Variants in TAFA2 observed in about 807,000 individuals in gnomAD.
TAFA2 encodes TAFA chemokine like family member 2.
In TAFA2, 7 loss-of-function variants were observed where a neutral mutation model predicts 18.8. The observed-to-expected ratio is 0.37, with a 90% CI of 0.21 to 0.70. TAFA2 has a LOEUF of 0.70. Ranked by LOEUF, TAFA2 falls within the 30% of genes least tolerant of loss-of-function variation. TAFA2 has a pLI of 0.53. For synonymous variants in TAFA2, 60 were observed against 54.2 expected, an observed-to-expected ratio of 1.11 and a Z score of -0.47; for missense variants, 122 against 158.1, an observed-to-expected ratio of 0.77 and a Z score of 1.23.
At chr12:61,781,819 C>A (rs959785916) in intron 2 of TAFA2, among the ~76,000 whole-genome samples, 2 of 151,496 alleles carry the variant, frequency 1.3e-5, no homozygotes, top group African/African-American at 2.4e-5. Context: ...AATAACTAAG[C>A]CAAAATAACA....
intron 1 of TAFA2, among the ~76,000 whole-genome samples, chr12:62,244,991 T>C (rs1166270490): frequency 6.6e-6 from 1 of 152,152 alleles, no homozygotes; most frequent in Non-Finnish European, 1.5e-5. Flanking sequence ...TTTAATGATA[T>C]CTTACATTGT....
At chr12:61,881,822 TG>T (rs1324561517) in intron 1 of TAFA2, among the ~76,000 whole-genome samples, 1 of 151,984 alleles carries the variant, frequency 6.6e-6, no homozygotes, top group Non-Finnish European at 1.5e-5. Context: ...AAATACAGCC[TG>T]GGGGCCACCA....
intron 1 of TAFA2, among the ~76,000 whole-genome samples, chr12:62,250,623 G>C (rs879921456): frequency 6.6e-6 from 1 of 152,012 alleles, no homozygotes; most frequent in African/African-American, 2.4e-5. Flanking sequence ...AATATTGCCT[G>C]TTTATTTTTT....
intron 1 of TAFA2, among the ~76,000 whole-genome samples, chr12:62,229,847 T>TTTGTTGTTGTTG (rs372113384): frequency 3.3e-5 from 5 of 151,598 alleles, no homozygotes; most frequent in South Asian, 4.2e-4. Context: ...GTCCTGGATT[T>TTTGTTGTTGTTG]TTGTTGTTGT....
intron 1 of TAFA2, among the ~76,000 whole-genome samples, chr12:62,242,870 G>A (rs958941724): frequency 6.6e-6 from 1 of 152,146 alleles, no homozygotes. Context: ...ACATACCCTT[G>A]TAAACATAAT....
rs532352250 is a variant in TAFA2, at chr12:61,865,826, C to T, written c.106+1494G>A. 1.6e-4 allele frequency among the ~76,000 whole-genome samples: 25 copies of T among 152,272 alleles called. No individual in the cohort carries two copies. The South Asian group carries it at 2.5e-3, about 15-fold the overall frequency. On this transcript the variant is annotated intron_variant, in intron 2 of 4. Coordinates refer to ENST00000416284, the MANE Select transcript of TAFA2 (RefSeq NM_178539.5). ...TGAAGCCCACAATTTCTATGATCCCCCACTCCTCCAATTCTTCTTTCATAA... is the reference window on the plus strand; with the variant it reads ...TGAAGCCCACAATTTCTATGATCCCTCACTCCTCCAATTCTTCTTTCATAA...
rs149683487 is a variant in TAFA2 at position 62,130,619 on chromosome 12, C to T, written c.-2+60640G>A. On this transcript the variant is annotated intron_variant, in intron 1 of 4. Transcript: ENST00000416284. ...CGTTTCACTGGACATTTCCTGAGTACCTACTATGTGGCAGGCACTGTGCTA... is the reference window on the plus strand; with the variant it reads ...CGTTTCACTGGACATTTCCTGAGTATCTACTATGTGGCAGGCACTGTGCTA... Among the ~76,000 whole-genome samples the T allele has an allele frequency of 7.9e-5, 12 of 152,000 alleles. No individual in the cohort carries two copies. The East Asian group carries it at 2.3e-3, about 29-fold the overall frequency.
intron 1 of TAFA2, among the ~76,000 whole-genome samples, chr12:61,925,375 T>C (rs1462273302): frequency 6.6e-6 from 1 of 152,170 alleles, no homozygotes; most frequent in Non-Finnish European, 1.5e-5. Context: ...ATGGAAATCA[T>C]AACAAACAGT....
rs146438499 is a variant in TAFA2 at position 62,091,855 on chromosome 12, T to G, written c.-2+99404A>C. On this transcript the variant is annotated intron_variant, in intron 1 of 4. Transcript: ENST00000416284. The stretch of plus-strand genomic sequence containing the variant: ...GAAACACTTTTTGAAGATTTGCTAT[T>G]AAGTGTTTTTAATAAGCTTCCAAAG... Among the ~76,000 whole-genome samples the G allele has an allele frequency of 7.4e-4, 113 of 152,116 alleles. 1 individual carries two copies. The highest frequency in any genetic ancestry group is 4.8e-3 in the Admixed American group (73 of 15,242).
At chr12:61,856,625 T>C (rs577143753) in intron 2 of TAFA2, among the ~76,000 whole-genome samples, 3 of 152,108 alleles carry the variant, frequency 2.0e-5, no homozygotes, top group African/African-American at 4.8e-5. Context: ...ATTCTATGAA[T>C]CTAGTCTAGA....
intron 1 of TAFA2, among the ~76,000 whole-genome samples, chr12:62,104,530 C>T (rs1396220834): frequency 2.0e-5 from 3 of 152,118 alleles, no homozygotes; most frequent in Admixed American, 2.0e-4. Context: ...AGAAAGAAAA[C>T]ATTTTTACCA....
In TAFA2 at chr12:61,729,389, C is replaced by T. The variant is rs1223492553; in HGVS notation, c.385-18972G>A. ...CTTAGGTTTGGTCGTTTAACATAAT[C>T]TCAAACTTCTTGGAGGCTCTATTAA... On this transcript the variant is annotated intron_variant, in intron 4 of 4. Coordinates refer to ENST00000416284, the MANE Select transcript of TAFA2 (RefSeq NM_178539.5). 2.0e-5 allele frequency among the ~76,000 whole-genome samples: 3 copies of T among 151,762 alleles called. No homozygotes were observed. The East Asian group carries it at 5.8e-4, about 29-fold the overall frequency.
intron 1 of TAFA2, among the ~76,000 whole-genome samples, chr12:62,172,647 A>G (rs1435184323): frequency 6.6e-6 from 1 of 152,206 alleles, no homozygotes; most frequent in African/African-American, 2.4e-5. Context: ...AAGTTATTTC[A>G]AGGTAGGGGC....
intron 4 of TAFA2, among the ~76,000 whole-genome samples, chr12:61,740,414 G>A (rs1868392577): frequency 6.6e-6 from 1 of 151,588 alleles, no homozygotes; most frequent in African/African-American, 2.4e-5. Context: ...GCAAACCACC[G>A]TGGCACGTGT....
chr12:62,079,249 G>C (rs1868283669), intron 1 of TAFA2, among the ~76,000 whole-genome samples: 3 of 152,096 alleles, frequency 2.0e-5, no homozygotes, highest in African/African-American at 4.8e-5. Context: ...GCTACAACTG[G>C]ATCACCCATA....
chr12:62,184,558 A>C (rs112352716), intron 1 of TAFA2, among the ~76,000 whole-genome samples: 1 of 127,958 alleles, frequency 7.8e-6, no homozygotes, highest in Non-Finnish European at 1.6e-5. Flanking sequence ...GCATGGTGTG[A>C]TCACAGCTCA....
At chr12:61,822,254 C>T (rs950819873) in intron 2 of TAFA2, among the ~76,000 whole-genome samples, 1 of 152,042 alleles carries the variant, frequency 6.6e-6, no homozygotes, top group African/African-American at 2.4e-5. Context: ...AGTTCTCTCA[C>T]GTCTAAATCT....
intron 1 of TAFA2, among the ~76,000 whole-genome samples, chr12:62,243,686 C>T (rs2062872761): frequency 6.6e-6 from 1 of 152,224 alleles, no homozygotes; most frequent in Non-Finnish European, 1.5e-5. Flanking sequence ...TAAAATGACC[C>T]TGCCCAGTGA....
chr12:62,253,182 G>A (rs1421674480), intron 1 of TAFA2: 1 of 152,148 alleles, frequency 6.6e-6, no homozygotes, highest in Admixed American at 6.5e-5. Context: ...CCAGCTTTGA[G>A]GATAGAAGCT....
Sources: allele counts gnomAD v4.1 joint callset (sites outside exome capture counted in the v4.1 genomes callset), GRCh38; gene constraint gnomAD v4.1.1; transcripts MANE v1.5; gene names NCBI Gene and HGNC (gene_info 2026-07-23, HGNC 2026-07-21).